TACR3: variants seen among roughly 807,000 people sequenced by gnomAD.
TACR3 encodes the protein tachykinin receptor 3, also known as neuromedin-K receptor.
A neutral mutation model predicts 35.0 loss-of-function variants in TACR3; 34 were observed. That is an observed-to-expected ratio of 0.97 (90% CI 0.74 to 1.30). TACR3 has a LOEUF of 1.30. Among genes scored for constraint, TACR3 ranks in the 50% most tolerant of loss-of-function variants. The pLI, the probability that TACR3 is intolerant of heterozygous loss-of-function variation, is 0.00. For synonymous variants in TACR3, 233 were observed against 221.1 expected (o/e 1.05, Z -0.48); for missense variants, 558 against 591.7 (o/e 0.94, Z 0.59).
At chr4:103,708,550 T>TG (rs1326070308) in intron 1 of TACR3, among the ~76,000 whole-genome samples, 2 of 151,944 alleles carry the variant, frequency 1.3e-5, no homozygotes, top group Non-Finnish European at 2.9e-5. Flanking sequence ...ACCACAAAGA[T>TG]GGGGAAAAAA....
chr4:103,660,023 AGAAT>A (rs1439955588), intron 1 of TACR3, among the ~76,000 whole-genome samples: 1 of 152,178 alleles, frequency 6.6e-6, no homozygotes, highest in Non-Finnish European at 1.5e-5. Context: ...CTTTCATCAA[AGAAT>A]GAATATCGCA....
chr4:103,617,599 C>T (rs1724688811), intron 3 of TACR3, among the ~76,000 whole-genome samples: 1 of 152,064 alleles, frequency 6.6e-6, no homozygotes, highest in Non-Finnish European at 1.5e-5. Flanking sequence ...TTTAGCAACT[C>T]ATAAACATAA....
chr4:103,608,278 C>T (rs965515844), intron 3 of TACR3, among the ~76,000 whole-genome samples: 3 of 151,924 alleles, frequency 2.0e-5, no homozygotes, highest in Non-Finnish European at 4.4e-5. Flanking sequence ...CAGCTGGAGG[C>T]CATAATCCTC....
At chr4:103,599,370 T>A (rs1724131453) in intron 3 of TACR3, among the ~76,000 whole-genome samples, 1 of 152,152 alleles carries the variant, frequency 6.6e-6, no homozygotes, top group Non-Finnish European at 1.5e-5. Context: ...ACAATGGGGT[T>A]TTCTAGATAC....
At chr4:103,667,257 AAAAACAAAAC>A (rs1227807625) in intron 1 of TACR3, among the ~76,000 whole-genome samples, 1 of 152,066 alleles carries the variant, frequency 6.6e-6, no homozygotes, top group Non-Finnish European at 1.5e-5. Flanking sequence ...ACTTTGTCTC[AAAAACAAAAC>A]AAAACAAAAC....
intron 3 of TACR3, among the ~76,000 whole-genome samples, chr4:103,600,883 T>C (rs1724182395): frequency 6.6e-6 from 1 of 152,170 alleles, no homozygotes; most frequent in African/African-American, 2.4e-5. Context: ...CTTCCAACTA[T>C]GTGGTCAGTT....
intron 3 of TACR3, among the ~76,000 whole-genome samples, chr4:103,650,819 ATATAATAATATATATATC>A (rs1560822199): frequency 0.29 from 13,164 of 45,578 alleles, 5,996 homozygotes; most frequent in African/African-American, 0.39. Flanking sequence ...ATAATATATT[ATATAATAATATATATATC>A]TTATATATAA....
chr4:103,616,381 AGTATTGTACAAT>A (rs1724662422), intron 3 of TACR3, among the ~76,000 whole-genome samples: 1 of 152,126 alleles, frequency 6.6e-6, no homozygotes, highest in Admixed American at 6.6e-5. Context: ...TAGTATATAT[AGTATTGTACAAT>A]GTAAAGAGTA....
chr4:103,686,926 G>A (rs918345799), intron 1 of TACR3, among the ~76,000 whole-genome samples: 5 of 152,028 alleles, frequency 3.3e-5, no homozygotes, highest in Admixed American at 2.0e-4. Context: ...TACCAAAGCT[G>A]GGCAGAGACA....
At chr4:103,637,811 C>A (rs1725230359) in intron 3 of TACR3, among the ~76,000 whole-genome samples, 2 of 152,020 alleles carry the variant, frequency 1.3e-5, no homozygotes, top group Admixed American at 1.3e-4. Flanking sequence ...AACAGAGAGC[C>A]AAATCATGAG....
chr4:103,657,828 G>T (rs905321291), intron 2 of TACR3, among the ~76,000 whole-genome samples: 1 of 151,962 alleles, frequency 6.6e-6, no homozygotes, highest in Admixed American at 6.6e-5. Context: ...TAACCTACTA[G>T]GGTGCTCCTT....
chr4:103,677,491 A>C (rs1174584567), intron 1 of TACR3, among the ~76,000 whole-genome samples: 1 of 152,198 alleles, frequency 6.6e-6, no homozygotes, highest in Non-Finnish European at 1.5e-5. Context: ...GATAAAGAAA[A>C]TGTGGTACAT....
At position 103,684,847 on chromosome 4, in the gene TACR3, T is replaced by C. The variant is rs546506278; in HGVS notation, c.549-26444A>G. Among the ~76,000 whole-genome samples the C allele has an allele frequency of 1.2e-4, 18 of 151,634 alleles. 1 individual carries two copies. The South Asian group carries it at 2.9e-3, about 25-fold the overall frequency. ...GCAAAAAACCTGTCTCTATGAAAAA[T>C]ATAAAAAATTAGCCTAGTGTGTTGG... On this transcript the variant is annotated intron_variant, in intron 1 of 4. Coordinates refer to ENST00000304883, the MANE Select transcript of TACR3 (RefSeq NM_001059.3).
intron 3 of TACR3, among the ~76,000 whole-genome samples, chr4:103,598,175 GT>G (rs1464356897): frequency 1.1e-4 from 17 of 152,126 alleles, no homozygotes; most frequent in African/African-American, 3.1e-4. Flanking sequence ...TCTCATTGTG[GT>G]TTTGATTTGC....
chr4:103,606,111 G>A (rs1348019964), intron 3 of TACR3, among the ~76,000 whole-genome samples: 2 of 151,802 alleles, frequency 1.3e-5, no homozygotes, highest in Non-Finnish European at 2.9e-5. Flanking sequence ...TTTTTGTCAG[G>A]TTTGTCAAAG....
intron 3 of TACR3, among the ~76,000 whole-genome samples, chr4:103,604,338 T>C (rs1033221702): frequency 1.3e-5 from 2 of 152,254 alleles, no homozygotes; most frequent in Non-Finnish European, 2.9e-5. Flanking sequence ...GCTAGCCATA[T>C]GCAGAAAACT....
intron 1 of TACR3, among the ~76,000 whole-genome samples, chr4:103,689,539 C>G (rs1275812120): frequency 1.3e-5 from 2 of 151,762 alleles, no homozygotes; most frequent in Admixed American, 6.6e-5. Flanking sequence ...ATAACAACAA[C>G]AACAACAACA....
intron 3 of TACR3, among the ~76,000 whole-genome samples, chr4:103,638,087 T>A (rs1039131406): frequency 6.6e-6 from 1 of 152,128 alleles, no homozygotes; most frequent in Admixed American, 6.6e-5. Flanking sequence ...TGGAAAAAAC[T>A]ACTTTAAAGT....
At chr4:103,602,631 G>A (rs954106911) in intron 3 of TACR3, among the ~76,000 whole-genome samples, 3 of 152,004 alleles carry the variant, frequency 2.0e-5, no homozygotes, top group Non-Finnish European at 4.4e-5. Flanking sequence ...CTGCAGGTCT[G>A]TTGGAGTTTG....
Sources: allele counts gnomAD v4.1 joint callset (sites outside exome capture counted in the v4.1 genomes callset), GRCh38; gene constraint gnomAD v4.1.1; transcripts MANE v1.5; gene names NCBI Gene and HGNC (gene_info 2026-07-23, HGNC 2026-07-21).